Variants in EPHA5 observed in about 807,000 individuals in gnomAD.
The protein encoded by EPHA5 is EPH receptor A5.
A neutral mutation model predicts 105.0 loss-of-function variants in EPHA5; 60 were observed. The ratio of observed to expected loss-of-function variants is 0.57; its 90% CI spans 0.46 to 0.71. The LOEUF (loss-of-function observed/expected upper bound fraction) is 0.71, where lower values mean the gene tolerates loss of function less well. Among genes scored for constraint, EPHA5 ranks in the 30% least tolerant of loss-of-function variants. The probability of loss-of-function intolerance (pLI) is 0.00; values close to 1 mark genes in which losing one functional copy is unlikely to be tolerated. For missense variants in EPHA5, 1,218 were observed against 1,274.7 expected, an observed-to-expected ratio of 0.96 and a Z score of 0.68; for synonymous variants, 513 against 449.1, an observed-to-expected ratio of 1.14 and a Z score of -1.80.
At chr4:65,573,431 A>AG (rs1230599110) in intron 3 of EPHA5, 1 of 1,065,730 alleles carries the variant, frequency 9.4e-7, no homozygotes, top group Non-Finnish European at 1.3e-6. Context: ...AAAAAAAAAA[A>AG]AAAAGAAGCT....
At chr4:65,666,608 A>G (rs1749986518) in intron 1 of EPHA5, among the ~76,000 whole-genome samples, 1 of 152,190 alleles carries the variant, frequency 6.6e-6, no homozygotes, top group African/African-American at 2.4e-5. Flanking sequence ...ATACCTCTGA[A>G]ATCTTTTATA....
chr4:65,669,399 G>A (rs1750255381), intron 1 of EPHA5, 163 bp downstream of exon 1: 2 of 985,298 alleles, frequency 2.0e-6, no homozygotes, highest in Non-Finnish European at 2.4e-6. Flanking sequence ...AAACCGCAGA[G>A]GGGAGCGAAA....
chr4:65,601,554 T>A (rs577597060), intron 3 of EPHA5, 87 bp downstream of exon 3: 1 of 1,258,298 alleles, frequency 7.9e-7, no homozygotes, highest in South Asian at 1.5e-5. Flanking sequence ...AAGTAAAAGG[T>A]CATTTCCTCA....
chr4:65,523,016 G>A (rs1734906218), intron 3 of EPHA5, among the ~76,000 whole-genome samples: 1 of 151,872 alleles, frequency 6.6e-6, no homozygotes, highest in Non-Finnish European at 1.5e-5. Context: ...TCGTCAAATG[G>A]CTGCTAATAT....
At chr4:65,562,138 CT>C (rs1261042353) in intron 3 of EPHA5, among the ~76,000 whole-genome samples, 1 of 152,068 alleles carries the variant, frequency 6.6e-6, no homozygotes, top group Non-Finnish European at 1.5e-5. Flanking sequence ...AAGAATTTGG[CT>C]TGCTAGGCAT....
At chr4:65,450,746 C>A (rs1480758989) in intron 5 of EPHA5, among the ~76,000 whole-genome samples, 1 of 152,144 alleles carries the variant, frequency 6.6e-6, no homozygotes, top group Non-Finnish European at 1.5e-5. Flanking sequence ...TACGCATTGA[C>A]TTTCCCATTT....
intron 2 of EPHA5, among the ~76,000 whole-genome samples, chr4:65,610,868 A>G (rs1474824419): frequency 6.6e-6 from 1 of 152,182 alleles, no homozygotes; most frequent in Non-Finnish European, 1.5e-5. Flanking sequence ...ACCACTGTAT[A>G]TGGAGACACC....
Position 65,519,439 on chromosome 4 carries a change from C to T in EPHA5, c.911-23896G>A, listed in dbSNP as rs536203407. ...CAATATCATACTGAAAGGGCAAAAACGGGAAGCATTTCCTTTGAAAACTGG... is the reference window on the plus strand; with the variant it reads ...CAATATCATACTGAAAGGGCAAAAATGGGAAGCATTTCCTTTGAAAACTGG... On this transcript the variant is annotated intron_variant, in intron 3 of 16. Coordinates refer to ENST00000613740, the MANE Select transcript of EPHA5 (RefSeq NM_001281766.3). Among the ~76,000 whole-genome samples the T allele has an allele frequency of 2.6e-3, 401 of 152,094 alleles. 3 individuals carry two copies. The highest frequency in any genetic ancestry group is 4.7e-3 in the Admixed American group (71 of 15,268).
intron 3 of EPHA5, among the ~76,000 whole-genome samples, chr4:65,546,134 G>A (rs1037958825): frequency 1.3e-5 from 2 of 151,936 alleles, no homozygotes; most frequent in African/African-American, 2.4e-5. Context: ...CCATACTTTG[G>A]TGAACATTTT....
Position 65,414,330 on chromosome 4 carries a change from G to A in EPHA5, c.1641C>T (p.Gly547=), listed in dbSNP as rs183969601. 4 of 1,613,832 alleles carry A rather than the reference G, an allele frequency of 2.5e-6. No homozygotes were observed. The East Asian group carries it at 6.7e-5, about 27-fold the overall frequency. Residue 547 remains glycine (G), a synonymous_variant, in exon 7 of 17, where the codon GGC becomes GGT. Coordinates refer to ENST00000613740, the MANE Select transcript of EPHA5 (RefSeq NM_001281766.3). ...VFQIRARTAA[G]YGVFSRRFEF... ...CAAATCTTCGACTGAAGACACCATAGCCTGCTGCTGTACGTGCTCGAATTT... is the reference window on the plus strand; with the variant it reads ...CAAATCTTCGACTGAAGACACCATAACCTGCTGCTGTACGTGCTCGAATTT...
At chr4:65,370,336 T>C (rs1170466355) in intron 8 of EPHA5, among the ~76,000 whole-genome samples, 2 of 152,182 alleles carry the variant, frequency 1.3e-5, no homozygotes, top group Non-Finnish European at 2.9e-5. Flanking sequence ...TAGCCTTTAA[T>C]ATATGTGCCT....
At position 65,602,053 on chromosome 4, in the gene EPHA5, G is replaced by T. The variant is rs771983318; in HGVS notation, c.498C>A (p.Ile166=). Reference sequence around the variant, plus strand: ...CAATTTTGATGTATTGGTTTTCCTTGATGTTTCTCCCATTCTGATCATCTG... The same window carrying T: ...CAATTTTGATGTATTGGTTTTCCTTTATGTTTCTCCCATTCTGATCATCTG... ...FESDDQNGRN[I]KENQYIKIDT... is the part of the protein sequence containing the mutation. The change falls in exon 3 of 17, where the codon ATC becomes ATA. Residue 166 remains isoleucine (I), a synonymous_variant. Transcript: ENST00000613740. 1.2e-6 allele frequency: 2 copies of T among 1,614,012 alleles called. No individual in the cohort carries two copies. Among genetic ancestry groups the T allele is most frequent in the South Asian group, 2.2e-5 (2 of 91,064 alleles).
chr4:65,516,137 G>A (rs575709951), intron 3 of EPHA5, among the ~76,000 whole-genome samples: 5 of 151,980 alleles, frequency 3.3e-5, no homozygotes, highest in Non-Finnish European at 1.5e-5. Flanking sequence ...TTGAGGCATC[G>A]ACCAGCATAC....
rs75687365 is a variant in EPHA5 at position 65,372,445 on chromosome 4, T to C, written c.1794-5021A>G. Among the ~76,000 whole-genome samples, 508 of 152,028 alleles carry C rather than the reference T, an allele frequency of 3.3e-3. 2 individuals are homozygous for C. Among genetic ancestry groups the C allele is most frequent in the African/African-American group, 0.012 (488 of 41,536 alleles). On this transcript the variant is annotated intron_variant, in intron 8 of 16. Transcript: ENST00000613740. Reference sequence around the variant, plus strand: ...TGGGGCATTGGATATTTAGGCAGTCTTGCTAGCAAAACTGTGTGAGTCATT... The same window carrying C: ...TGGGGCATTGGATATTTAGGCAGTCCTGCTAGCAAAACTGTGTGAGTCATT...
chr4:65,350,519 T>A (rs1722717333), intron 13 of EPHA5, among the ~76,000 whole-genome samples: 1 of 152,092 alleles, frequency 6.6e-6, no homozygotes, highest in African/African-American at 2.4e-5. Flanking sequence ...CAATGACAGA[T>A]CTCTATCTTC....
At chr4:65,639,252 A>G (rs1022485226) in intron 2 of EPHA5, among the ~76,000 whole-genome samples, 1 of 152,214 alleles carries the variant, frequency 6.6e-6, no homozygotes, top group Non-Finnish European at 1.5e-5. Context: ...TTCTAAAGTT[A>G]TATTTCCAGT....
At chr4:65,516,831 A>C (rs1448503039) in intron 3 of EPHA5, among the ~76,000 whole-genome samples, 1 of 152,094 alleles carries the variant, frequency 6.6e-6, no homozygotes, top group Non-Finnish European at 1.5e-5. Context: ...TTCAAACTTA[A>C]TCCCATTGTG....
chr4:65,444,005 T>C (rs1256604627), intron 5 of EPHA5, among the ~76,000 whole-genome samples: 1 of 152,176 alleles, frequency 6.6e-6, no homozygotes, highest in African/African-American at 2.4e-5. Context: ...ATTTGATTTG[T>C]ACTGTAACAG....
In EPHA5 at chr4:65,566,617, T is replaced by C. The variant is rs555607841; in HGVS notation, c.910+35024A>G. Reference sequence around the variant, plus strand: ...GCAGCAAAGTGCTACTCCAATTTAATTCACAGTAGAGGCACTGAGCGTATG... The same window carrying C: ...GCAGCAAAGTGCTACTCCAATTTAACTCACAGTAGAGGCACTGAGCGTATG... On this transcript the variant is annotated intron_variant, in intron 3 of 16. Transcript: ENST00000613740. 4.0e-5 allele frequency among the ~76,000 whole-genome samples: 6 copies of C among 151,832 alleles called. No individual in the cohort carries two copies. In the South Asian group the frequency reaches 1.2e-3, roughly 31 times the overall value.
Sources: allele counts gnomAD v4.1 joint callset (sites outside exome capture counted in the v4.1 genomes callset), GRCh38; gene constraint gnomAD v4.1.1; transcripts MANE v1.5; gene names NCBI Gene and HGNC (gene_info 2026-07-23, HGNC 2026-07-21).